MOB4: variants seen among roughly 807,000 people sequenced by gnomAD.
The protein encoded by MOB4 is MOB family member 4, phocein.
MOB4 carries 4 observed loss-of-function variants against 32.2 expected under a neutral mutation model. The observed-to-expected ratio is 0.12, with a 90% CI of 0.06 to 0.28. The LOEUF (loss-of-function observed/expected upper bound fraction) is 0.28. MOB4 is among the 10% of genes least tolerant of loss of function. The pLI is 1.00. For synonymous variants in MOB4, 88 were observed against 88.1 expected (o/e 1.00, Z 0.01); for missense variants, 158 against 271.2 (o/e 0.58, Z 2.93).
chr2:197,545,846 T>C (rs1182799755), intron 5 of MOB4, among the ~76,000 whole-genome samples: 3 of 152,146 alleles, frequency 2.0e-5, no homozygotes, highest in Non-Finnish European at 4.4e-5. Flanking sequence ...TTCTGAAATT[T>C]AGTGGTAATG....
At chr2:197,533,927 C>G in intron 2 of MOB4, 1 of 593,732 alleles carries the variant, frequency 1.7e-6, no homozygotes, top group Non-Finnish European at 3.3e-6. Flanking sequence ...AGGTACAACT[C>G]TAAGAGGAGA....
At chr2:197,525,321 T>C (rs866628856) in intron 2 of MOB4, among the ~76,000 whole-genome samples, 2 of 151,146 alleles carry the variant, frequency 1.3e-5, no homozygotes, top group South Asian at 2.1e-4. Flanking sequence ...GCACTCCAGC[T>C]TGGGGGACAG....
At chr2:197,537,366 A>G (rs1222785943) in intron 3 of MOB4, among the ~76,000 whole-genome samples, 1 of 152,224 alleles carries the variant, frequency 6.6e-6, no homozygotes, top group Admixed American at 6.5e-5. Flanking sequence ...GTATGTGTTC[A>G]TTGGGGCTTA....
rs760721847 is a variant in MOB4, at chr2:197,516,069, C to T, written c.-18C>T. 2.9e-5 allele frequency: 46 copies of T among 1,578,418 alleles called. No homozygotes were observed. The South Asian group carries it at 4.8e-4, about 16-fold the overall frequency. ...CCTACATCCGGGTACCGACTCCAGC[C>T]GCCTAGACGCTGGCACTATGGTCAT... On this transcript the variant is annotated 5_prime_UTR_variant, in exon 1 of 8. Coordinates refer to ENST00000323303, the MANE Select transcript of MOB4 (RefSeq NM_015387.5).
intron 2 of MOB4, 108 bp from the exon 3 acceptor site, chr2:197,535,422 C>T: frequency 9.8e-7 from 1 of 1,023,318 alleles, no homozygotes; most frequent in Non-Finnish European, 1.4e-6. Flanking sequence ...AGTGTATAAC[C>T]CAAGTTGAAC....
At chr2:197,546,068 A>ATTTTTT (rs2086987709) in intron 5 of MOB4, among the ~76,000 whole-genome samples, 1 of 151,506 alleles carries the variant, frequency 6.6e-6, no homozygotes, top group Non-Finnish European at 1.5e-5. Flanking sequence ...TTATTTTTTA[A>ATTTTTT]TTTTTATTTT....
At chr2:197,521,111 A>G (rs923741014) in intron 1 of MOB4, among the ~76,000 whole-genome samples, 24 of 152,168 alleles carry the variant, frequency 1.6e-4, no homozygotes, top group Non-Finnish European at 3.2e-4. Flanking sequence ...AAACATTTGT[A>G]TCGGGGAACC....
At chr2:197,544,246 A>G (rs1275067667) in intron 5 of MOB4, among the ~76,000 whole-genome samples, 1 of 151,840 alleles carries the variant, frequency 6.6e-6, no homozygotes, top group Non-Finnish European at 1.5e-5. Flanking sequence ...TAATTTTTGT[A>G]TTTTTAGTAG....
chr2:197,520,204 A>G (rs1574623400), intron 1 of MOB4, among the ~76,000 whole-genome samples: 1 of 145,954 alleles, frequency 6.9e-6, no homozygotes, highest in Admixed American at 6.9e-5. Flanking sequence ...TTTTTTTGAG[A>G]CAGAATCTCG....
intron 3 of MOB4, among the ~76,000 whole-genome samples, chr2:197,538,909 A>G (rs931035285): frequency 6.6e-6 from 1 of 152,230 alleles, no homozygotes; most frequent in Non-Finnish European, 1.5e-5. Flanking sequence ...CAGCATTATT[A>G]GGCATCTGGA....
In MOB4 at chr2:197,528,390, C is replaced by G. The variant is rs567705055; in HGVS notation, c.123+4704C>G. Among the ~76,000 whole-genome samples the G allele has an allele frequency of 2.3e-3, 349 of 152,206 alleles. 1 individual carries two copies. The highest frequency in any genetic ancestry group is 8.0e-3 in the African/African-American group (332 of 41,536). Reference sequence around the variant, plus strand: ...TACCACTTTACTTGAAATGTAGAAACTTTACTATCATATGCACCCCTTTTG... The same window carrying G: ...TACCACTTTACTTGAAATGTAGAAAGTTTACTATCATATGCACCCCTTTTG... On this transcript the variant is annotated intron_variant, in intron 2 of 7. Transcript: ENST00000323303.
intron 3 of MOB4, among the ~76,000 whole-genome samples, chr2:197,537,907 G>A (rs2086830029): frequency 6.6e-6 from 1 of 152,090 alleles, no homozygotes; most frequent in Non-Finnish European, 1.5e-5. Context: ...AGCCTCCCAA[G>A]TAGCTGGGAC....
intron 1 of MOB4, among the ~76,000 whole-genome samples, chr2:197,523,128 T>G (rs1451351096): frequency 1.3e-5 from 2 of 152,136 alleles, no homozygotes; most frequent in East Asian, 3.8e-4. Flanking sequence ...TTTTTTTCAT[T>G]GTAACTTTTT....
chr2:197,551,390 T>C lies in MOB4; in HGVS notation c.*744T>C, dbSNP rs1329277990. On this transcript the variant is annotated 3_prime_UTR_variant, in exon 8 of 8. Coordinates refer to ENST00000323303, the MANE Select transcript of MOB4 (RefSeq NM_015387.5). ...CCTTAACCTTATCTTCAAACTACTTTAGCTGAGAAGCTTTTCACCAGACTG... is the reference window on the plus strand; with the variant it reads ...CCTTAACCTTATCTTCAAACTACTTCAGCTGAGAAGCTTTTCACCAGACTG... 6.5e-6 allele frequency: 1 copy of C among 152,786 alleles called. No homozygotes were observed. The highest frequency in any genetic ancestry group is 1.9e-4 in the East Asian group (1 of 5,344). The allele number at this position is 152,786 out of a possible 1,614,324, so 9.5% of individuals were successfully genotyped here. A position where few individuals can be genotyped will look rare whatever the true frequency, so the allele number is the denominator to read the frequency against.
chr2:197,516,377 G>A (rs955973849), intron 1 of MOB4: 4 of 1,413,862 alleles, frequency 2.8e-6, no homozygotes, highest in African/African-American at 1.5e-5. Flanking sequence ...GGGCGGGTGG[G>A]GTCTGCTGGT....
chr2:197,547,459 G>A (rs2087017199), intron 5 of MOB4, among the ~76,000 whole-genome samples: 2 of 152,116 alleles, frequency 1.3e-5, no homozygotes, highest in African/African-American at 4.8e-5. Context: ...TCATGGTACT[G>A]TTTTTGGCAA....
chr2:197,539,150 A>G (rs1172546927), intron 3 of MOB4, among the ~76,000 whole-genome samples: 1 of 151,970 alleles, frequency 6.6e-6, no homozygotes, highest in Admixed American at 6.6e-5. Context: ...GAAACATAGT[A>G]TTGATTTATC....
chr2:197,540,321 C>T, intron 4 of MOB4, 30 bp from the exon 5 acceptor site: 3 of 1,498,642 alleles, frequency 2.0e-6, no homozygotes, highest in Non-Finnish European at 2.7e-6. Flanking sequence ...TATTATTTTA[C>T]ATATTAAGAA....
At chr2:197,523,124 T>C (rs2086550559) in intron 1 of MOB4, among the ~76,000 whole-genome samples, 1 of 152,142 alleles carries the variant, frequency 6.6e-6, no homozygotes, top group Non-Finnish European at 1.5e-5. Context: ...AGTTTTTTTT[T>C]CATTGTAACT....
Sources: gnomAD v4.1 joint callset for allele counts (sites outside exome capture counted in the v4.1 genomes callset) on GRCh38, gnomAD v4.1.1 for gene constraint, MANE v1.5 for transcripts, NCBI Gene and HGNC (gene_info 2026-07-23, HGNC 2026-07-21) for gene names.